Variants in PDE4B observed in about 807,000 individuals in gnomAD.
PDE4B encodes the protein 3',5'-cyclic-AMP phosphodiesterase 4B.
A neutral mutation model predicts 82.2 loss-of-function variants in PDE4B; 20 were observed. The observed-to-expected ratio is 0.24, with a 90% CI of 0.17 to 0.35. The LOEUF (loss-of-function observed/expected upper bound fraction) is 0.35, where lower values mean the gene tolerates loss of function less well. Ranked by LOEUF, PDE4B falls within the 10% of genes least tolerant of loss-of-function variation. The pLI, the probability that PDE4B is intolerant of heterozygous loss-of-function variation, is 1.00. For synonymous variants in PDE4B, 320 were observed against 318.9 expected (o/e 1.00, Z -0.04); for missense variants, 655 against 907.2 (o/e 0.72, Z 3.57).
chr1:66,274,949 T>G (rs1655770068), intron 7 of PDE4B, among the ~76,000 whole-genome samples: 1 of 151,650 alleles, frequency 6.6e-6, no homozygotes, highest in Non-Finnish European at 1.5e-5. Flanking sequence ...AGTTTAAGAC[T>G]TTTTTTTTCC....
At chr1:65,956,405 C>T (rs971680536) in intron 3 of PDE4B, among the ~76,000 whole-genome samples, 1 of 152,070 alleles carries the variant, frequency 6.6e-6, no homozygotes, top group Admixed American at 6.6e-5. Flanking sequence ...TCAATCTTTC[C>T]TCCATGTTCT....
chr1:65,935,924 C>T (rs1190318029), intron 3 of PDE4B, among the ~76,000 whole-genome samples: 3 of 151,892 alleles, frequency 2.0e-5, no homozygotes, highest in African/African-American at 4.8e-5. Context: ...GCAACAAAAG[C>T]GAAATTCTGT....
At chr1:65,895,606 A>G (rs930159091) in intron 1 of PDE4B, among the ~76,000 whole-genome samples, 193 of 151,448 alleles carry the variant, frequency 1.3e-3, no homozygotes, top group African/African-American at 4.4e-3. Context: ...TGGGGTCTAC[A>G]TGAACATTGA....
At chr1:66,306,798 G>A (rs1222954617) in intron 7 of PDE4B, among the ~76,000 whole-genome samples, 2 of 152,114 alleles carry the variant, frequency 1.3e-5, no homozygotes, top group African/African-American at 4.8e-5. Context: ...GAAATCTGAT[G>A]CCCTATTTTC....
rs555337471 is a variant in PDE4B, at chr1:66,228,496, C to T, written c.282-18964C>T. 6.6e-5 allele frequency among the ~76,000 whole-genome samples: 10 copies of T among 152,064 alleles called. 1 individual carries two copies. Among genetic ancestry groups the T allele is most frequent in the East Asian group, 3.9e-4 (2 of 5,160 alleles). ...AAAATTAGCCAGACATGGTGGTGGG[C>T]GCCTGTAGTCCCAGCTATTCAGGAG... On this transcript the variant is annotated intron_variant, in intron 3 of 16. Transcript: ENST00000341517.
chr1:66,263,221 G>C (rs1028484595), intron 6 of PDE4B, among the ~76,000 whole-genome samples: 4 of 152,222 alleles, frequency 2.6e-5, no homozygotes, highest in Non-Finnish European at 5.9e-5. Flanking sequence ...GTAAGCACAG[G>C]AAACTACAGA....
chr1:66,326,233 T>C (rs1471899771), intron 7 of PDE4B, among the ~76,000 whole-genome samples: 3 of 152,218 alleles, frequency 2.0e-5, no homozygotes, highest in Admixed American at 6.5e-5. Context: ...AAAGCCTACA[T>C]GGACAACCAG....
chr1:66,205,352 C>T lies in PDE4B; in HGVS notation c.282-42108C>T, dbSNP rs1649462574. Among the ~76,000 whole-genome samples the T allele has an allele frequency of 2.6e-5, 4 of 152,348 alleles. No homozygotes were observed. In the East Asian group the frequency reaches 5.8e-4, roughly 22 times the overall value. On this transcript the variant is annotated intron_variant, in intron 3 of 16. Transcript: ENST00000341517. ...CTCCCTTTTAAACTTGGGATTTCTT[C>T]ACCCAGAGATAACTACTGATAACAT...
intron 3 of PDE4B, among the ~76,000 whole-genome samples, chr1:66,118,920 G>A (rs1249788728): frequency 1.3e-5 from 2 of 151,394 alleles, no homozygotes; most frequent in African/African-American, 4.9e-5. Context: ...AAATGTTACC[G>A]CTTTGAAGAA....
At chr1:66,161,849 A>C (rs938257201) in intron 3 of PDE4B, among the ~76,000 whole-genome samples, 1 of 152,168 alleles carries the variant, frequency 6.6e-6, no homozygotes, top group African/African-American at 2.4e-5. Context: ...AGGGATTTAC[A>C]ACCAAACATG....
chr1:66,321,392 G>A (rs2101891576), intron 7 of PDE4B, among the ~76,000 whole-genome samples: 1 of 152,266 alleles, frequency 6.6e-6, no homozygotes, highest in East Asian at 1.9e-4. Flanking sequence ...CTATTACATG[G>A]TTGTAGCTAT....
At chr1:66,111,230 T>C (rs1236662466) in intron 3 of PDE4B, among the ~76,000 whole-genome samples, 3 of 152,128 alleles carry the variant, frequency 2.0e-5, no homozygotes, top group Admixed American at 1.3e-4. Context: ...TTTTGTGTGC[T>C]GCAAAAGAAC....
intron 8 of PDE4B, among the ~76,000 whole-genome samples, chr1:66,337,703 T>C (rs1660639577): frequency 6.6e-6 from 1 of 152,192 alleles, no homozygotes; most frequent in Non-Finnish European, 1.5e-5. Context: ...TATCTTTGTA[T>C]ATTTAGACTT....
intron 3 of PDE4B, among the ~76,000 whole-genome samples, chr1:65,989,574 T>C (rs1450797126): frequency 6.6e-6 from 1 of 152,198 alleles, no homozygotes; most frequent in Non-Finnish European, 1.5e-5. Context: ...TCTCAAATAA[T>C]TCTCAAGTAT....
At chr1:66,209,932 T>G (rs12048959) in intron 3 of PDE4B, among the ~76,000 whole-genome samples, 6,861 of 152,250 alleles carry the variant, frequency 0.045, 241 homozygotes, top group East Asian at 0.15. Context: ...TCTCCTGATG[T>G]GTATATGGTT....
At chr1:66,281,320 C>G (rs1167428189) in intron 7 of PDE4B, among the ~76,000 whole-genome samples, 4 of 152,154 alleles carry the variant, frequency 2.6e-5, no homozygotes, top group African/African-American at 9.7e-5. Flanking sequence ...GAAATATTAC[C>G]TTTTCTCCCT....
intron 3 of PDE4B, among the ~76,000 whole-genome samples, chr1:65,986,087 A>G (rs1206168034): frequency 1.3e-5 from 2 of 152,200 alleles, no homozygotes; most frequent in Non-Finnish European, 2.9e-5. Flanking sequence ...CACTTTCAAG[A>G]CAGTAACAAA....
intron 3 of PDE4B, among the ~76,000 whole-genome samples, chr1:66,068,154 A>G (rs971854425): frequency 6.6e-6 from 1 of 151,804 alleles, no homozygotes; most frequent in Admixed American, 6.6e-5. Flanking sequence ...GGGGAGCTAT[A>G]TGTATAATTG....
chr1:66,067,587 A>T (rs1655925579), intron 3 of PDE4B, among the ~76,000 whole-genome samples: 1 of 152,036 alleles, frequency 6.6e-6, no homozygotes, highest in Admixed American at 6.6e-5. Context: ...TCTGGATATT[A>T]GCCGTTTGTC....
Sources: allele counts gnomAD v4.1 joint callset (sites outside exome capture counted in the v4.1 genomes callset), GRCh38; gene constraint gnomAD v4.1.1; transcripts MANE v1.5; gene names NCBI Gene and HGNC (gene_info 2026-07-23, HGNC 2026-07-21).